The following HOXB6 variants were observed in gnomAD, a reference collection of about 807,000 sequenced individuals.
HOXB6 encodes homeobox B6.
In HOXB6, 18 loss-of-function variants were observed where a neutral mutation model predicts 24.2. The observed-to-expected ratio is 0.74, with a 90% CI of 0.51 to 1.10. The LOEUF is 1.10. Among genes scored for constraint, HOXB6 ranks in the 50% least tolerant of loss-of-function variants. The pLI, the probability that HOXB6 is intolerant of heterozygous loss-of-function variation, is 0.00. For synonymous variants in HOXB6, 159 were observed against 139.1 expected (o/e 1.14, Z -1.01); for missense variants, 332 against 308.3 (o/e 1.08, Z -0.58).
Position 48,597,000 on chromosome 17 carries a change from C to CCGCG in HOXB6, c.416-329_416-328insCGCG. ...TTCCATCCATCTTGTTCCCACCCCC[C>CCGCG]GTCATCCCCCCAACCCAATGATAAA... is the stretch of plus-strand genomic sequence containing the variant. On this transcript the variant is annotated intron_variant, in intron 3 of 3. Coordinates refer to ENST00000225648, the MANE Select transcript of HOXB6 (RefSeq NM_018952.5). This position sits in a 1 kb window ranked among gnomAD's most constrained non-coding sequence, Gnocchi z 4.8. 2 of 1,201,868 alleles carry CCGCG rather than the reference C, an allele frequency of 1.7e-6. No individual in the cohort carries two copies. The highest frequency in any genetic ancestry group is 2.1e-6 in the Non-Finnish European group (2 of 939,070). 74.5% of individuals were successfully genotyped at this position (1,201,868 alleles called of 1,614,324 possible). A position where few individuals can be genotyped will look rare whatever the true frequency, so the allele number is the denominator to read the frequency against.
intron 2 of HOXB6, among the ~76,000 whole-genome samples, chr17:48,598,692 G>T (rs2070385167): frequency 6.6e-6 from 1 of 152,312 alleles, no homozygotes; most frequent in Non-Finnish European, 1.5e-5. Context: ...TCTCCGAATC[G>T]CCTTGAGAGA....
In HOXB6 at chr17:48,596,837, C is replaced by G. The variant is rs1441198437; in HGVS notation, c.416-165G>C. ...CTCCAGCGCCCCCTCCAGATTCCCT[C>G]CTAGTCTCCTAGGCCTGTGCCGTCT... On this transcript the variant is annotated intron_variant, in intron 3 of 3. Transcript: ENST00000225648. The surrounding 1 kb of genome is among the most constrained non-coding windows in gnomAD (Gnocchi z 4.8). 1.5e-6 allele frequency: 2 copies of G among 1,297,008 alleles called. No individual in the cohort carries two copies. Among genetic ancestry groups the G allele is most frequent in the Non-Finnish European group, 2.1e-6 (2 of 942,300 alleles). 80.3% of individuals were successfully genotyped at this position (1,297,008 alleles called of 1,614,324 possible).
chr17:48,595,840 T>G lies in HOXB6; in HGVS notation c.*573A>C, dbSNP rs1415602296. 1 of 234,174 alleles carries G rather than the reference T, an allele frequency of 4.3e-6. No homozygotes were observed. The allele number at this position is 234,174 out of a possible 1,614,324, so 14.5% of individuals were successfully genotyped here. A position where few individuals can be genotyped will look rare whatever the true frequency, so the allele number is the denominator to read the frequency against. On this transcript the variant is annotated 3_prime_UTR_variant, in exon 4 of 4. Transcript: ENST00000225648. ...TCATCATCATCATCATCGAAGTATT[T>G]CACGTCCAGAGCTAAGACAAGACTA... is the stretch of plus-strand genomic sequence containing the variant.
At chr17:48,599,798 G>A (rs77605484) in intron 2 of HOXB6, among the ~76,000 whole-genome samples, 1 of 152,204 alleles carries the variant, frequency 6.6e-6, no homozygotes, top group Non-Finnish European at 1.5e-5. Flanking sequence ...CCAGGGCATG[G>A]AACAAAGTCA....
intron 2 of HOXB6, 26 bp from the exon 3 acceptor site, chr17:48,598,254 G>A: frequency 7.9e-7 from 1 of 1,260,480 alleles, no homozygotes; most frequent in Non-Finnish European, 1.1e-6. Context: ...CCGAGATTGG[G>A]TTTTAGCTGA....
chr17:48,597,079 C>A, intron 3 of HOXB6: 6 of 1,105,872 alleles, frequency 5.4e-6, no homozygotes, highest in Non-Finnish European at 6.6e-6. Context: ...ACATTAACGG[C>A]TCCTCACTTT....
rs769805775 is a variant in HOXB6, at chr17:48,597,784, A to G, written c.367T>C (p.Cys123Arg). 21 of 1,612,342 alleles carry G rather than the reference A, an allele frequency of 1.3e-5. No homozygotes were observed. In the East Asian group the frequency reaches 4.7e-4, roughly 36 times the overall value. ...SVFGETEEQK[C>R]STPVYPWMQR... ...ATCCACGGGTAGACCGGAGTGGAGC[A>G]CTTCTGCTCTTCTGTCTCGCCGAAC... The change falls in exon 3 of 4, where the codon TGC (cysteine) becomes CGC (arginine). Residue 123 changes from cysteine (C) to arginine (R), a missense_variant. Cys to Arg is a radical substitution (Grantham distance 180, BLOSUM62 -3). Transcript: ENST00000225648.
At chr17:48,603,616 CAT>C (rs1253913890) in intron 2 of HOXB6, 1 of 129,432 alleles carries the variant, frequency 7.7e-6, no homozygotes, top group Non-Finnish European at 1.7e-5. Context: ...CAGACACACA[CAT>C]GGCAATTTTT....
Position 48,596,537 on chromosome 17 carries a change from C to T in HOXB6, c.551G>A (p.Cys184Tyr). The change falls in exon 4 of 4, where the codon TGC becomes TAC. Residue 184 changes from cysteine to tyrosine, a missense_variant. Cys to Tyr is a radical substitution (Grantham distance 194, BLOSUM62 -2). Coordinates refer to ENST00000225648, the MANE Select transcript of HOXB6 (RefSeq NM_018952.5). This position sits in a 1 kb window ranked among gnomAD's most constrained non-coding sequence, Gnocchi z 4.8. ...TATCTTGATCTGCCTCTCCGTCAGG[C>T]ACAGGGCGTGCGCGATCTCGATGCG... ...RRRIEIAHAL[C>Y]LTERQIKIWF... 2.5e-6 allele frequency: 4 copies of T among 1,614,262 alleles called. No individual in the cohort carries two copies. The highest frequency in any genetic ancestry group is 3.4e-6 in the Non-Finnish European group (4 of 1,180,046).
rs1258725904 is a variant in HOXB6 at position 48,604,860 on chromosome 17, A to C, written c.-215+2T>G. 2.5e-4 allele frequency: 32 copies of C among 125,872 alleles called. No individual in the cohort carries two copies. The highest frequency in any genetic ancestry group is 5.6e-4 in the African/African-American group (18 of 32,070). The allele number at this position is 125,872 out of a possible 1,614,324, so 7.8% of individuals were successfully genotyped here. A position where few individuals can be genotyped will look rare whatever the true frequency, so the allele number is the denominator to read the frequency against. On this transcript the variant is annotated splice_donor_variant, in intron 1 of 3. Transcript: ENST00000225648. LOFTEE classifies it low-confidence loss of function (5UTR_SPLICE). ...CTCGCGCTCTCTCTCTTTTCTCCTC[A>C]CCCCCCTCTCTCGTCCTCTCTCTCT...
chr17:48,601,926 G>T (rs1415333609), intron 2 of HOXB6: 6 of 359,512 alleles, frequency 1.7e-5, no homozygotes, highest in African/African-American at 8.5e-5. Context: ...CAGCAGAGGC[G>T]CATAGCCTAG....
At chr17:48,599,892 T>C (rs1449989671) in intron 2 of HOXB6, among the ~76,000 whole-genome samples, 1 of 152,142 alleles carries the variant, frequency 6.6e-6, no homozygotes, top group African/African-American at 2.4e-5. Context: ...CTGAAGATGG[T>C]ACAAGACACT....
At chr17:48,602,161 A>T (rs1049063970) in intron 2 of HOXB6, 2 of 456,106 alleles carry the variant, frequency 4.4e-6, no homozygotes, top group Non-Finnish European at 8.8e-6. Context: ...ATTCGGTTCA[A>T]TTCCTTCACC....
chr17:48,598,328 C>A, intron 2 of HOXB6, 100 bp from the exon 3 acceptor site: 1 of 614,950 alleles, frequency 1.6e-6, no homozygotes, highest in Non-Finnish European at 2.7e-6. Flanking sequence ...CAACACTGAC[C>A]AATGGCAGAG....
At chr17:48,602,974 G>A (rs2070505525) in intron 2 of HOXB6, among the ~76,000 whole-genome samples, 2 of 152,332 alleles carry the variant, frequency 1.3e-5, no homozygotes, top group East Asian at 1.9e-4. Context: ...TGAACCTAGG[G>A]CATCTACCTG....
Position 48,598,248 on chromosome 17 carries a change from G to A in HOXB6, c.-78-20C>T. 2 of 1,320,718 alleles carry A rather than the reference G, an allele frequency of 1.5e-6. No homozygotes were observed. The highest frequency in any genetic ancestry group is 3.1e-5 in the South Asian group (2 of 64,966). 81.8% of individuals were successfully genotyped at this position (1,320,718 alleles called of 1,614,324 possible). A position where few individuals can be genotyped will look rare whatever the true frequency, so the allele number is the denominator to read the frequency against. On this transcript the variant is annotated intron_variant, in intron 2 of 3. Transcript: ENST00000225648. ...CCGCGCCTATTAGTAGTATATCCGA[G>A]ATTGGGTTTTAGCTGAGGGGGGATG... is the stretch of plus-strand genomic sequence containing the variant.
chr17:48,602,455 G>A (rs2070491833), intron 2 of HOXB6: 1 of 346,056 alleles, frequency 2.9e-6, no homozygotes, highest in Admixed American at 3.8e-5. Flanking sequence ...CCTGCCCGCT[G>A]GAAGCAGAAT....
chr17:48,595,756 T>G lies in HOXB6; in HGVS notation c.*657A>C. On this transcript the variant is annotated 3_prime_UTR_variant, in exon 4 of 4. Transcript: ENST00000225648. ...GGATTGGAGGTGACCGAGCGTCGAG[T>G]TTTCACATCTTTATTATTGTTGTTG... 5.5e-6 allele frequency: 1 copy of G among 181,770 alleles called. No individual in the cohort carries two copies. Among genetic ancestry groups the G allele is most frequent in the Non-Finnish European group, 1.2e-5 (1 of 85,720 alleles). The allele number at this position is 181,770 out of a possible 1,614,324, so 11.3% of individuals were successfully genotyped here. A position where few individuals can be genotyped will look rare whatever the true frequency, so the allele number is the denominator to read the frequency against.
In HOXB6 at chr17:48,596,242, C is replaced by T. The variant is rs2070283845; in HGVS notation, c.*171G>A. The T allele has an allele frequency of 5.9e-6, 6 of 1,017,478 alleles. No homozygotes were observed. Among genetic ancestry groups the T allele is most frequent in the East Asian group, 2.4e-5 (1 of 41,652 alleles). The allele number at this position is 1,017,478 out of a possible 1,614,324, so 63.0% of individuals were successfully genotyped here. A position where few individuals can be genotyped will look rare whatever the true frequency, so the allele number is the denominator to read the frequency against. The stretch of plus-strand genomic sequence containing the variant: ...AGTAGTGAGGCCTCAGAGCACCCGC[C>T]GGGAGCTGTGCGGGCGGGGGCGTCC... On this transcript the variant is annotated 3_prime_UTR_variant, in exon 4 of 4. Coordinates refer to ENST00000225648, the MANE Select transcript of HOXB6 (RefSeq NM_018952.5). The surrounding 1 kb of genome is among the most constrained non-coding windows in gnomAD (Gnocchi z 4.8).
Sources: gnomAD v4.1 joint callset for allele counts (sites outside exome capture counted in the v4.1 genomes callset) on GRCh38, gnomAD v4.1.1 for gene constraint, Gnocchi (gnomAD v3.1) non-coding constraint, MANE v1.5 for transcripts, NCBI Gene and HGNC (gene_info 2026-07-23, HGNC 2026-07-21) for gene names.